OSBPL3: variants seen among roughly 807,000 people sequenced by gnomAD.
OSBPL3 encodes the protein oxysterol-binding protein-related protein 3.
A neutral mutation model predicts 120.1 loss-of-function variants in OSBPL3; 65 were observed. The ratio of observed to expected loss-of-function variants is 0.54; its 90% CI spans 0.44 to 0.67. The LOEUF (loss-of-function observed/expected upper bound fraction) is 0.67. Ranked by LOEUF, OSBPL3 falls within the 30% of genes least tolerant of loss-of-function variation. The pLI, the probability that OSBPL3 is intolerant of heterozygous loss-of-function variation, is 0.00. For synonymous variants in OSBPL3, 416 were observed against 402.6 expected, an observed-to-expected ratio of 1.03 and a Z score of -0.40; for missense variants, 1,004 against 1,082.1, an observed-to-expected ratio of 0.93 and a Z score of 1.01.
Position 24,872,407 on chromosome 7 carries a change from C to T in OSBPL3, c.97-338G>A, listed in dbSNP as rs1375557597. Among the ~76,000 whole-genome samples, 1 of 148,700 alleles carries T rather than the reference C, an allele frequency of 6.7e-6. No individual in the cohort carries two copies. The highest frequency in any genetic ancestry group is 1.5e-5 in the Non-Finnish European group (1 of 67,594). ...TTGACATTACCATGCAATTACTGTT[C>T]GTTCAGCACTAGACTTCAGTCTGAA... is the stretch of plus-strand genomic sequence containing the variant. On this transcript the variant is annotated intron_variant, in intron 2 of 22. Coordinates refer to ENST00000313367, the MANE Select transcript of OSBPL3 (RefSeq NM_015550.4). The surrounding 1 kb of genome is among the most constrained non-coding windows in gnomAD (Gnocchi z 4.1).
intron 12 of OSBPL3, among the ~76,000 whole-genome samples, chr7:24,848,353 T>C (rs1406563393): frequency 6.6e-6 from 1 of 152,202 alleles, no homozygotes; most frequent in African/African-American, 2.4e-5. Flanking sequence ...TTAATAAAAA[T>C]TTAGCATATC....
chr7:24,834,127 AC>A lies in OSBPL3; in HGVS notation c.1746+358del, dbSNP rs1322287738. Reference sequence around the variant, plus strand: ...CAGCTCGAGAAATTAAATTCTGTCCACCCAGGGAAGTAAAAATAAACATGCA... The same window carrying A: ...CAGCTCGAGAAATTAAATTCTGTCCACCAGGGAAGTAAAAATAAACATGCA... On this transcript the variant is annotated intron_variant, in intron 15 of 22. Coordinates refer to ENST00000313367, the MANE Select transcript of OSBPL3 (RefSeq NM_015550.4). This position sits in a 1 kb window ranked among gnomAD's most constrained non-coding sequence, Gnocchi z 5.2. The A allele has an allele frequency of 9.9e-7, 1 of 1,009,730 alleles. No individual in the cohort carries two copies. Among genetic ancestry groups the A allele is most frequent in the Admixed American group, 6.0e-5 (1 of 16,750 alleles). 62.5% of individuals were successfully genotyped at this position (1,009,730 alleles called of 1,614,324 possible). A position where few individuals can be genotyped will look rare whatever the true frequency, so the allele number is the denominator to read the frequency against.
In OSBPL3 at chr7:24,830,243, C is replaced by A. The variant is rs1022549185; in HGVS notation, c.1884+525G>T. Among the ~76,000 whole-genome samples the A allele has an allele frequency of 2.0e-5, 3 of 152,208 alleles. No homozygotes were observed. The highest frequency in any genetic ancestry group is 2.1e-4 in the South Asian group (1 of 4,832). The stretch of plus-strand genomic sequence containing the variant: ...ACTCCTGTCCGGACCCCTCACCCCC[C>A]ACCCCACTGCAATATCCTAGCACCT... On this transcript the variant is annotated intron_variant, in intron 16 of 22. Coordinates refer to ENST00000313367, the MANE Select transcript of OSBPL3 (RefSeq NM_015550.4). This position sits in a 1 kb window ranked among gnomAD's most constrained non-coding sequence, Gnocchi z 4.4.
chr7:24,880,018 T>C (rs1017096194), intron 2 of OSBPL3, among the ~76,000 whole-genome samples: 3 of 152,192 alleles, frequency 2.0e-5, no homozygotes, highest in Admixed American at 2.0e-4. Context: ...TCTTAGACTA[T>C]TAAAGATGAA....
Position 24,964,615 on chromosome 7 carries a change from G to A in OSBPL3, c.-150+15271C>T, listed in dbSNP as rs530638390. Among the ~76,000 whole-genome samples the A allele has an allele frequency of 7.2e-5, 11 of 152,290 alleles. No homozygotes were observed. In the East Asian group the frequency reaches 1.7e-3, roughly 24 times the overall value. ...AAGGAGACATGGCAACCAAGATAAT[G>A]TAGAACCCCACATGGAGTCCTGGAA... On this transcript the variant is annotated intron_variant, in intron 1 of 22. Transcript: ENST00000313367. The surrounding 1 kb of genome is among the most constrained non-coding windows in gnomAD (Gnocchi z 4.2).
Position 24,976,056 on chromosome 7 carries a change from G to A in OSBPL3, c.-150+3830C>T, listed in dbSNP as rs571458804. 7.0e-4 allele frequency among the ~76,000 whole-genome samples: 106 copies of A among 152,340 alleles called. No individual in the cohort carries two copies. In the Middle Eastern group the frequency reaches 0.014, roughly 20 times the overall value. The stretch of plus-strand genomic sequence containing the variant: ...TGACTTTAGGCTAAGGAATCTATAT[G>A]CAAATAAGTAGAGAAAATAACTTGG... On this transcript the variant is annotated intron_variant, in intron 1 of 22. Transcript: ENST00000313367.
rs73088333 is a variant in OSBPL3, at chr7:24,806,396, C to T, written c.2444+380G>A. Reference sequence around the variant, plus strand: ...TACCATATATCACACACCTTGTGAGCAGCAACCTAGAATCAGCAGTTAGAT... The same window carrying T: ...TACCATATATCACACACCTTGTGAGTAGCAACCTAGAATCAGCAGTTAGAT... On this transcript the variant is annotated intron_variant, in intron 21 of 22. Coordinates refer to ENST00000313367, the MANE Select transcript of OSBPL3 (RefSeq NM_015550.4). This position sits in a 1 kb window ranked among gnomAD's most constrained non-coding sequence, Gnocchi z 5.2. Among the ~76,000 whole-genome samples the T allele has an allele frequency of 0.015, 2,210 of 152,296 alleles. 23 individuals carry two copies. The highest frequency in any genetic ancestry group is 0.044 in the Middle Eastern group (13 of 294).
chr7:24,860,747 A>C (rs1800415510), intron 10 of OSBPL3, among the ~76,000 whole-genome samples: 1 of 152,218 alleles, frequency 6.6e-6, no homozygotes, highest in South Asian at 2.1e-4. Flanking sequence ...GTTGCTATGT[A>C]TATCAATAGT....
At chr7:24,839,689 G>T (rs1160080199) in intron 14 of OSBPL3, among the ~76,000 whole-genome samples, 1 of 152,112 alleles carries the variant, frequency 6.6e-6, no homozygotes, top group Non-Finnish European at 1.5e-5. Flanking sequence ...GAACATTAGA[G>T]TGCAAAAGGG....
chr7:24,865,425 C>T lies in OSBPL3; in HGVS notation c.590G>A (p.Ser197Asn), dbSNP rs939910153. 6.2e-7 allele frequency: 1 copy of T among 1,613,330 alleles called. No individual in the cohort carries two copies. The highest frequency in any genetic ancestry group is 1.3e-5 in the African/African-American group (1 of 75,054). ...ISKQNLFQTG[S>N]NVSFSCGGET... Reference sequence around the variant, plus strand: ...ACCACCACAAGAAAATGATACATTGCTTCCAGTTTGAAATAAATTCTGCTT... The same window carrying T: ...ACCACCACAAGAAAATGATACATTGTTTCCAGTTTGAAATAAATTCTGCTT... The change falls in exon 7 of 23, where the codon AGC becomes AAC. Residue 197 changes from serine (S) to asparagine (N), a missense_variant. By Grantham distance (46) the Ser-to-Asn change is conservative (BLOSUM62 1). Around this residue, in one of 4 missense-constraint regions of OSBPL3, gnomAD observed 255 missense variants for 248.7 expected, o/e 1.03. Transcript: ENST00000313367.
In OSBPL3 at chr7:24,809,865, T is replaced by C. The variant is rs1383488363; in HGVS notation, c.2259A>G (p.Lys753=). Residue 753 remains lysine, a synonymous_variant, in exon 20 of 23, where the codon AAA becomes AAG. Coordinates refer to ENST00000313367, the MANE Select transcript of OSBPL3 (RefSeq NM_015550.4). ...CGCCACAGTAGATGCTTTCATGCCATTTCCCAAACAGCCGATGAACCGCTT... is the reference window on the plus strand; with the variant it reads ...CGCCACAGTAGATGCTTTCATGCCACTTCCCAAACAGCCGATGAACCGCTT... The part of the protein sequence containing the change: ...SGKAVHRLFG[K]WHESIYCGGG... The C allele has an allele frequency of 1.2e-6, 2 of 1,614,084 alleles. No homozygotes were observed. Among genetic ancestry groups the C allele is most frequent in the African/African-American group, 2.7e-5 (2 of 74,922 alleles).
Position 24,834,322 on chromosome 7 carries a change from A to T in OSBPL3, c.1746+164T>A. On this transcript the variant is annotated intron_variant, in intron 15 of 22. Transcript: ENST00000313367. The surrounding 1 kb of genome is among the most constrained non-coding windows in gnomAD (Gnocchi z 5.2). ...AAATCCTCACAAGGTGACTGGAAACAGCCAGGCGGAGGAAGCCAGACAGCT... is the reference window on the plus strand; with the variant it reads ...AAATCCTCACAAGGTGACTGGAAACTGCCAGGCGGAGGAAGCCAGACAGCT... The T allele has an allele frequency of 6.8e-7, 1 of 1,465,152 alleles. No homozygotes were observed. Among genetic ancestry groups the T allele is most frequent in the South Asian group, 1.5e-5 (1 of 66,222 alleles). 90.8% of individuals were successfully genotyped at this position (1,465,152 alleles called of 1,614,324 possible).
intron 1 of OSBPL3, among the ~76,000 whole-genome samples, chr7:24,919,648 A>G (rs1012617663): frequency 6.6e-6 from 1 of 151,968 alleles, no homozygotes; most frequent in Non-Finnish European, 1.5e-5. Flanking sequence ...ACTAAGGGGG[A>G]AAAAAGTGAT....
rs1467447681 is a variant in OSBPL3 at position 24,966,489 on chromosome 7, C to T, written c.-150+13397G>A. On this transcript the variant is annotated intron_variant, in intron 1 of 22. Coordinates refer to ENST00000313367, the MANE Select transcript of OSBPL3 (RefSeq NM_015550.4). This position sits in a 1 kb window ranked among gnomAD's most constrained non-coding sequence, Gnocchi z 4.8. ...AAACAAGCTGGAATGTTATTTTGCC[C>T]CACGCGATCAAAGACTAGAAAAACA... Among the ~76,000 whole-genome samples the T allele has an allele frequency of 6.6e-6, 1 of 152,124 alleles. No homozygotes were observed. The highest frequency in any genetic ancestry group is 1.5e-5 in the Non-Finnish European group (1 of 68,024).
rs1331870590 is a variant in OSBPL3 at position 24,853,168 on chromosome 7, TG to T, written c.1028-535del. 2.0e-5 allele frequency among the ~76,000 whole-genome samples: 3 copies of T among 152,044 alleles called. No individual in the cohort carries two copies. In the Admixed American group the frequency reaches 2.0e-4, roughly 10 times the overall value. On this transcript the variant is annotated intron_variant, in intron 10 of 22. Transcript: ENST00000313367. Reference sequence around the variant, plus strand: ...GTTTTGTTTTTGTATCCCCAAAGACTGGAAAGGGTTAAAAACAAAGCTTATT... The same window carrying T: ...GTTTTGTTTTTGTATCCCCAAAGACTGAAAGGGTTAAAAACAAAGCTTATT...
intron 20 of OSBPL3, among the ~76,000 whole-genome samples, chr7:24,809,116 G>T (rs75952125): frequency 6.6e-6 from 1 of 152,064 alleles, no homozygotes; most frequent in African/African-American, 2.4e-5. Context: ...ACAGCCTAAC[G>T]GTTTAAACCA....
rs764882433 is a variant in OSBPL3, at chr7:24,913,219, G to A, written c.-149-20598C>T. 6.6e-5 allele frequency among the ~76,000 whole-genome samples: 10 copies of A among 152,146 alleles called. No homozygotes were observed. The highest frequency in any genetic ancestry group is 1.3e-4 in the Admixed American group (2 of 15,284). On this transcript the variant is annotated intron_variant, in intron 1 of 22. Coordinates refer to ENST00000313367, the MANE Select transcript of OSBPL3 (RefSeq NM_015550.4). This position sits in a 1 kb window ranked among gnomAD's most constrained non-coding sequence, Gnocchi z 5.3. ...ATTGTCATTAACCTACCAGTTCATCGTCATTGTCTCAATTTACCAAGTTTT... is the reference window on the plus strand; with the variant it reads ...ATTGTCATTAACCTACCAGTTCATCATCATTGTCTCAATTTACCAAGTTTT...
chr7:24,826,204 G>C (rs1054028354), intron 16 of OSBPL3, among the ~76,000 whole-genome samples: 6 of 152,198 alleles, frequency 3.9e-5, no homozygotes, highest in Admixed American at 2.6e-4. Context: ...GGAAAGAAGG[G>C]AAGTCCTTCC....
chr7:24,979,620 T>C (rs1365046667), intron 1 of OSBPL3, among the ~76,000 whole-genome samples: 4 of 151,976 alleles, frequency 2.6e-5, no homozygotes, highest in African/African-American at 9.7e-5. Context: ...CGGCTCCTCC[T>C]GGCGGTCAAT....
Sources: gnomAD v4.1 joint callset for allele counts (sites outside exome capture counted in the v4.1 genomes callset) on GRCh38, gnomAD v4.1.1 for gene constraint, gnomAD v4.1.1 regional missense constraint, Gnocchi (gnomAD v3.1) non-coding constraint, MANE v1.5 for transcripts, NCBI Gene and HGNC (gene_info 2026-07-23, HGNC 2026-07-21) for gene names.